Variants in CYTH1 observed in about 807,000 individuals in gnomAD.
The protein encoded by CYTH1 is cytohesin 1.
Under a neutral mutation model 61.8 loss-of-function variants are expected in CYTH1, and 18 were observed. That is an observed-to-expected ratio of 0.29 (90% CI 0.20 to 0.43). The LOEUF (loss-of-function observed/expected upper bound fraction) is 0.43. Among genes scored for constraint, CYTH1 ranks in the 20% least tolerant of loss-of-function variants. CYTH1 has a pLI of 1.00. For synonymous variants in CYTH1, 174 were observed against 184.3 expected (o/e 0.94, Z 0.45); for missense variants, 336 against 510.5 (o/e 0.66, Z 3.29).
intron 1 of CYTH1, among the ~76,000 whole-genome samples, chr17:78,729,532 T>C (rs1186100003): frequency 6.6e-6 from 1 of 152,166 alleles, no homozygotes; most frequent in African/African-American, 2.4e-5. Context: ...CAGTCTCCCG[T>C]GCTGCTGGGA....
chr17:78,701,633 C>T (rs748705281), intron 6 of CYTH1, 38 bp downstream of exon 6: 1 of 1,588,170 alleles, frequency 6.3e-7, no homozygotes. Flanking sequence ...GGCTAGCCTC[C>T]CACTCCTTCC....
intron 13 of CYTH1, chr17:78,678,001 C>T (rs1417777898): frequency 1.3e-5 from 2 of 152,218 alleles, no homozygotes; most frequent in African/African-American, 2.4e-5. Flanking sequence ...GGGGATAATC[C>T]TAATGGTCCC....
intron 11 of CYTH1, among the ~76,000 whole-genome samples, chr17:78,683,688 GGTCA>G (rs1389916158): frequency 6.6e-6 from 1 of 152,226 alleles, no homozygotes. Flanking sequence ...AGAAATGCTT[GGTCA>G]GTCTCTCCTG....
intron 11 of CYTH1, among the ~76,000 whole-genome samples, chr17:78,681,493 T>C (rs1364145245): frequency 1.3e-5 from 2 of 152,094 alleles, no homozygotes; most frequent in African/African-American, 4.8e-5. Context: ...ACTGCCTCTG[T>C]CCATCGCCCC....
At chr17:78,737,245 C>T (rs1247105599) in intron 1 of CYTH1, among the ~76,000 whole-genome samples, 1 of 152,164 alleles carries the variant, frequency 6.6e-6, no homozygotes, top group Non-Finnish European at 1.5e-5. Flanking sequence ...CACAAATCCA[C>T]TCATATACTT....
At chr17:78,726,805 G>A (rs1041214151) in intron 1 of CYTH1, among the ~76,000 whole-genome samples, 6 of 152,176 alleles carry the variant, frequency 3.9e-5, no homozygotes, top group Admixed American at 1.3e-4. Context: ...GGCGCCATGA[G>A]AAAGAAAAGG....
intron 11 of CYTH1, 99 bp downstream of exon 11, chr17:78,692,318 G>T: frequency 1.6e-6 from 2 of 1,237,484 alleles, no homozygotes; most frequent in Non-Finnish European, 2.4e-6. Context: ...GATACTGAAG[G>T]GCAAATCCAA....
intron 11 of CYTH1, among the ~76,000 whole-genome samples, chr17:78,688,765 T>C (rs1157798505): frequency 5.3e-5 from 8 of 152,320 alleles, no homozygotes; most frequent in Admixed American, 1.3e-4. Context: ...CTCCATGCGG[T>C]GAGGCAGTTT....
chr17:78,707,160 C>T (rs778723054), intron 3 of CYTH1, among the ~76,000 whole-genome samples: 4 of 152,122 alleles, frequency 2.6e-5, no homozygotes, highest in Non-Finnish European at 5.9e-5. Flanking sequence ...GAGCTGGCTG[C>T]CTTCTGTGGA....
rs1475201436 is a variant in CYTH1, at chr17:78,700,752, T to C, written c.438-309A>G. On this transcript the variant is annotated intron_variant, in intron 6 of 13. Transcript: ENST00000446868. The surrounding 1 kb of genome is among the most constrained non-coding windows in gnomAD (Gnocchi z 5.1). ...GCTGGCCAGGCTGGTCTCAAACTCC[T>C]GGCCTCAAGTGATCCACCCGCCTCA... 1.3e-5 allele frequency among the ~76,000 whole-genome samples: 2 copies of C among 152,124 alleles called. No individual in the cohort carries two copies. Among genetic ancestry groups the C allele is most frequent in the Non-Finnish European group, 1.5e-5 (1 of 68,010 alleles).
At chr17:78,747,217 G>A (rs1444432133) in intron 1 of CYTH1, among the ~76,000 whole-genome samples, 1 of 148,916 alleles carries the variant, frequency 6.7e-6, no homozygotes, top group Non-Finnish European at 1.5e-5. Flanking sequence ...AAGGCCCAGA[G>A]TATGCCAGGC....
chr17:78,765,128 C>T (rs117499862), intron 1 of CYTH1, among the ~76,000 whole-genome samples: 496 of 152,120 alleles, frequency 3.3e-3, no homozygotes, highest in Non-Finnish European at 5.6e-3. Context: ...TACCAAGCAC[C>T]GCAAGGAGTT....
chr17:78,767,011 CTG>C (rs1423290289), intron 1 of CYTH1, among the ~76,000 whole-genome samples: 3 of 152,208 alleles, frequency 2.0e-5, no homozygotes, highest in African/African-American at 7.2e-5. Context: ...CACAGGGTAA[CTG>C]TGAGGGTTCA....
intron 1 of CYTH1, among the ~76,000 whole-genome samples, chr17:78,778,637 CAAAA>C (rs71309108): frequency 9.3e-5 from 6 of 64,214 alleles, no homozygotes; most frequent in South Asian, 5.7e-4. Flanking sequence ...GACTCCATCT[CAAAA>C]AAAAAAAAAA....
intron 1 of CYTH1, among the ~76,000 whole-genome samples, chr17:78,725,185 T>C (rs1166414365): frequency 1.3e-5 from 2 of 152,086 alleles, no homozygotes; most frequent in Admixed American, 6.5e-5. Flanking sequence ...AAGCTCATCC[T>C]CACCATCCGC....
At position 78,702,216 on chromosome 17, in the gene CYTH1, C is replaced by T. The variant is rs770661079; in HGVS notation, c.262G>A (p.Asp88Asn). 8.7e-6 allele frequency: 14 copies of T among 1,613,864 alleles called. No homozygotes were observed. Among genetic ancestry groups the T allele is most frequent in the Middle Eastern group, 1.6e-4 (1 of 6,084 alleles). ...TCTTCACAAGTGTTCTTCAGGAGGTCGTTCTCTATTAAGAACTGGATCCCC... is the reference window on the plus strand; with the variant it reads ...TCTTCACAAGTGTTCTTCAGGAGGTTGTTCTCTATTAAGAACTGGATCCCC... ...KKGIQFLIENDLLKNTCEDIA... is the reference protein window; with the variant it reads ...KKGIQFLIENNLLKNTCEDIA... The change falls in exon 5 of 14, where the codon GAC becomes AAC. Residue 88 changes from aspartate (D) to asparagine (N), a missense_variant. Asp to Asn is a conservative substitution (Grantham distance 23). This residue lies in a region of CYTH1 where 112 missense variants were observed against 127.1 expected (regional missense o/e 0.88). Transcript: ENST00000446868.
chr17:78,680,844 A>G (rs2092753551), intron 12 of CYTH1, 127 bp downstream of exon 12: 3 of 930,156 alleles, frequency 3.2e-6, no homozygotes, highest in Admixed American at 2.1e-5. Context: ...GAACAATATA[A>G]TAAAAAATTA....
At chr17:78,745,475 A>G (rs1260581399) in intron 1 of CYTH1, among the ~76,000 whole-genome samples, 1 of 152,236 alleles carries the variant, frequency 6.6e-6, no homozygotes, top group East Asian at 1.9e-4. Flanking sequence ...TGGTTGCTAC[A>G]GTAGTTTTAA....
At chr17:78,678,874 T>C (rs1598807916) in intron 13 of CYTH1, among the ~76,000 whole-genome samples, 2 of 152,232 alleles carry the variant, frequency 1.3e-5, no homozygotes, top group East Asian at 1.9e-4. Context: ...TACCAGGCAC[T>C]GCGCTCAGAG....
Sources: gnomAD v4.1 joint callset for allele counts (sites outside exome capture counted in the v4.1 genomes callset) on GRCh38, gnomAD v4.1.1 for gene constraint, gnomAD v4.1.1 regional missense constraint, Gnocchi (gnomAD v3.1) non-coding constraint, MANE v1.5 for transcripts, NCBI Gene and HGNC (gene_info 2026-07-23, HGNC 2026-07-21) for gene names.